Variants in EFCAB14 observed in about 807,000 individuals in gnomAD.
The protein encoded by EFCAB14 is EF-hand calcium binding domain 14.
EFCAB14 carries 43 observed loss-of-function variants against 56.5 expected under a neutral mutation model. The observed-to-expected ratio is 0.76, with a 90% CI of 0.60 to 0.98. EFCAB14 has a LOEUF of 0.98. EFCAB14 is among the 50% of genes least tolerant of loss of function. The probability of loss-of-function intolerance (pLI) is 0.00; values close to 1 mark genes in which losing one functional copy is unlikely to be tolerated. For synonymous variants in EFCAB14, 235 were observed against 212.9 expected (o/e 1.10, Z -0.90); for missense variants, 538 against 580.3 (o/e 0.93, Z 0.75).
At chr1:46,703,113 CT>C (rs5773921) in intron 3 of EFCAB14, among the ~76,000 whole-genome samples, 228 of 146,346 alleles carry the variant, frequency 1.6e-3, no homozygotes, top group Middle Eastern at 3.6e-3. Flanking sequence ...TCTGCTCGTA[CT>C]TTTTTTTTTT....
At chr1:46,701,250 G>A (rs750261330) in intron 3 of EFCAB14, among the ~76,000 whole-genome samples, 1 of 152,094 alleles carries the variant, frequency 6.6e-6, no homozygotes, top group Non-Finnish European at 1.5e-5. Context: ...GGGGCTTTCT[G>A]AGACCACTGT....
intron 7 of EFCAB14, 155 bp from the exon 8 acceptor site, chr1:46,687,025 G>C: frequency 1.5e-6 from 1 of 659,898 alleles, no homozygotes; most frequent in Non-Finnish European, 2.6e-6. Flanking sequence ...GAGATGGGAG[G>C]AGAGAGGGAG....
chr1:46,701,666 G>A (rs958113443), intron 3 of EFCAB14, among the ~76,000 whole-genome samples: 1 of 152,192 alleles, frequency 6.6e-6, no homozygotes, highest in Non-Finnish European at 1.5e-5. Flanking sequence ...CAGCAGGATC[G>A]AGTGAGGTGC....
chr1:46,694,260 G>C (rs2148844293), intron 4 of EFCAB14, among the ~76,000 whole-genome samples: 1 of 152,258 alleles, frequency 6.6e-6, no homozygotes, highest in African/African-American at 2.4e-5. Flanking sequence ...CTTCTGCACA[G>C]CAAAAGAAAC....
chr1:46,683,566 T>C (rs1569682875), intron 9 of EFCAB14, 141 bp from the exon 10 acceptor site: 2 of 916,608 alleles, frequency 2.2e-6, no homozygotes, highest in East Asian at 5.5e-5. Flanking sequence ...ATAGTGACTA[T>C]GTGAAGTTAA....
chr1:46,710,253 A>G lies in EFCAB14; in HGVS notation c.335-2202T>C, dbSNP rs74632534. On this transcript the variant is annotated intron_variant, in intron 2 of 10. Coordinates refer to ENST00000371933, the MANE Select transcript of EFCAB14 (RefSeq NM_014774.3). Reference sequence around the variant, plus strand: ...GTAATTGTACATATTTACAGGGTACACAGCAATGTTTCCATACATGTAATG... The same window carrying G: ...GTAATTGTACATATTTACAGGGTACGCAGCAATGTTTCCATACATGTAATG... Among the ~76,000 whole-genome samples the G allele has an allele frequency of 1.7e-3, 262 of 152,386 alleles. 2 individuals carry two copies. Among genetic ancestry groups the G allele is most frequent in the African/African-American group, 6.2e-3 (256 of 41,602 alleles).
chr1:46,693,420 C>T (rs901682601), intron 4 of EFCAB14, among the ~76,000 whole-genome samples: 1 of 152,162 alleles, frequency 6.6e-6, no homozygotes, highest in Non-Finnish European at 1.5e-5. Context: ...TTTGGCATGA[C>T]CTACCACTTC....
chr1:46,688,633 C>G (rs1302152482), intron 6 of EFCAB14, 89 bp from the exon 7 acceptor site: 3 of 1,116,438 alleles, frequency 2.7e-6, no homozygotes, highest in African/African-American at 1.6e-5. Context: ...ATTACTATGT[C>G]AAGTACTGAA....
chr1:46,700,924 C>T (rs923391281), intron 3 of EFCAB14, among the ~76,000 whole-genome samples: 5 of 151,068 alleles, frequency 3.3e-5, no homozygotes, highest in Non-Finnish European at 7.4e-5. Context: ...GAGGATGAAG[C>T]CCACATTACT....
intron 7 of EFCAB14, 104 bp downstream of exon 7, chr1:46,688,249 T>C: frequency 9.3e-7 from 1 of 1,073,420 alleles, no homozygotes. Flanking sequence ...CACAAATGTG[T>C]GGCCTCTCAA....
chr1:46,710,851 G>A (rs754042185), intron 2 of EFCAB14, among the ~76,000 whole-genome samples: 7 of 152,098 alleles, frequency 4.6e-5, no homozygotes, highest in Non-Finnish European at 8.8e-5. Context: ...CATACCCAGT[G>A]AGATAAACTT....
intron 3 of EFCAB14, among the ~76,000 whole-genome samples, chr1:46,700,012 G>A (rs1677132346): frequency 6.6e-6 from 1 of 152,186 alleles, no homozygotes; most frequent in South Asian, 2.1e-4. Flanking sequence ...AGCCATGTGA[G>A]TGAGGAACCT....
chr1:46,690,352 T>C (rs976918371), intron 5 of EFCAB14, among the ~76,000 whole-genome samples: 6 of 152,202 alleles, frequency 3.9e-5, no homozygotes, highest in Admixed American at 6.5e-5. Context: ...AACTATGACT[T>C]ATCTAGCACA....
chr1:46,701,666 G>T (rs958113443), intron 3 of EFCAB14, among the ~76,000 whole-genome samples: 3 of 152,192 alleles, frequency 2.0e-5, no homozygotes, highest in African/African-American at 7.2e-5. Flanking sequence ...CAGCAGGATC[G>T]AGTGAGGTGC....
In EFCAB14 at chr1:46,707,892, C is replaced by A; in HGVS notation, c.480+14G>T. On this transcript the variant is annotated intron_variant, in intron 3 of 10. Transcript: ENST00000371933. ...TATTCATAGCTTACACAGCAAAAAT[C>A]AAACTTTTAGTACCTGCTTATTCAT... is the stretch of plus-strand genomic sequence containing the variant. 1.2e-6 allele frequency: 2 copies of A among 1,604,826 alleles called. No individual in the cohort carries two copies. The highest frequency in any genetic ancestry group is 2.2e-5 in the South Asian group (2 of 90,276).
intron 2 of EFCAB14, among the ~76,000 whole-genome samples, chr1:46,715,254 G>T (rs1294873248): frequency 6.6e-6 from 1 of 152,124 alleles, no homozygotes; most frequent in Non-Finnish European, 1.5e-5. Context: ...GAAGAAATGT[G>T]CATAGGCTTA....
At chr1:46,703,097 G>A (rs774474219) in intron 3 of EFCAB14, among the ~76,000 whole-genome samples, 7 of 151,514 alleles carry the variant, frequency 4.6e-5, no homozygotes, top group African/African-American at 7.3e-5. Flanking sequence ...AGGTTCCTGT[G>A]AGTCCTCTGC....
At chr1:46,695,948 G>A (rs1677072190) in intron 4 of EFCAB14, among the ~76,000 whole-genome samples, 1 of 152,096 alleles carries the variant, frequency 6.6e-6, no homozygotes, top group African/African-American at 2.4e-5. Context: ...CCAAAACGTT[G>A]GGATTACAGT....
intron 3 of EFCAB14, among the ~76,000 whole-genome samples, chr1:46,705,489 A>C (rs1015798400): frequency 2.6e-5 from 4 of 152,190 alleles, no homozygotes; most frequent in Admixed American, 2.6e-4. Flanking sequence ...GTCTGTTTGC[A>C]TGTTCTCCTC....
Sources: allele counts gnomAD v4.1 joint callset (sites outside exome capture counted in the v4.1 genomes callset), GRCh38; gene constraint gnomAD v4.1.1; transcripts MANE v1.5; gene names NCBI Gene and HGNC (gene_info 2026-07-23, HGNC 2026-07-21).